The following NCKAP5 variants were observed in gnomAD, a reference collection of about 807,000 sequenced individuals.
NCKAP5 encodes the protein nck-associated protein 5.
Under a neutral mutation model 167.0 loss-of-function variants are expected in NCKAP5, and 92 were observed. That is an observed-to-expected ratio of 0.55 (90% CI 0.47 to 0.66). NCKAP5 has a LOEUF of 0.66. Ranked by LOEUF, NCKAP5 falls within the 30% of genes least tolerant of loss-of-function variation. NCKAP5 has a pLI of 0.00. For synonymous variants in NCKAP5, 891 were observed against 877.4 expected, an observed-to-expected ratio of 1.02 and a Z score of -0.27; for missense variants, 2,378 against 2,315.0, an observed-to-expected ratio of 1.03 and a Z score of -0.56.
At chr2:133,098,234 C>G (rs914393449) in intron 6 of NCKAP5, among the ~76,000 whole-genome samples, 1 of 152,166 alleles carries the variant, frequency 6.6e-6, no homozygotes, top group Non-Finnish European at 1.5e-5. Context: ...AAAGTTTCTG[C>G]AACATCTGCA....
intron 5 of NCKAP5, among the ~76,000 whole-genome samples, chr2:133,149,193 G>A (rs560717138): frequency 4.6e-5 from 7 of 152,262 alleles, no homozygotes; most frequent in African/African-American, 1.7e-4. Context: ...CACATACATA[G>A]AAGCTTCTAA....
chr2:132,731,828 A>AT lies in NCKAP5; in HGVS notation c.5351dup (p.Asp1784GlufsTer2). 1 of 1,613,834 alleles carries AT rather than the reference A, an allele frequency of 6.2e-7. No individual in the cohort carries two copies. The highest frequency in any genetic ancestry group is 8.5e-7 in the Non-Finnish European group (1 of 1,179,850). ...CGGATGTGGAATGAACAATGGCGCT[A>AT]TCTGCAGGGCGCTGGCCGTCTGTGG... On this transcript the variant is annotated frameshift_variant, in exon 17 of 20. Coordinates refer to ENST00000409261, the MANE Select transcript of NCKAP5 (RefSeq NM_207363.3). LOFTEE classifies it high-confidence loss of function.
intron 3 of NCKAP5, among the ~76,000 whole-genome samples, chr2:133,447,752 C>T (rs1036913256): frequency 6.6e-6 from 1 of 152,092 alleles, no homozygotes; most frequent in Admixed American, 6.5e-5. Flanking sequence ...TCCCAAAATG[C>T]TGGGATTACA....
intron 19 of NCKAP5, among the ~76,000 whole-genome samples, chr2:132,715,271 C>T (rs1412822695): frequency 6.6e-6 from 1 of 152,168 alleles, no homozygotes; most frequent in Non-Finnish European, 1.5e-5. Flanking sequence ...CCACCTACCC[C>T]ACTTCTTCAA....
the NCKAP5 span, among the ~76,000 whole-genome samples, chr2:133,647,758 GAAAAGAAAAAAGAAAA>G: frequency 1.4e-4 from 9 of 65,732 alleles, no homozygotes; most frequent in Non-Finnish European, 1.3e-4. Context: ...GGAAAGAAAA[GAAAAGAAAAAAGAAAA>G]GAAAAAAAAG....
chr2:133,482,516 C>A (rs574623610), intron 3 of NCKAP5, among the ~76,000 whole-genome samples: 4 of 152,234 alleles, frequency 2.6e-5, no homozygotes, highest in Non-Finnish European at 5.9e-5. Flanking sequence ...TTCATCTGGC[C>A]CCAAATTTTC....
rs116130197 is a variant in NCKAP5 at position 132,958,257 on chromosome 2, C to T, written c.579+5463G>A. ...GCTTGCCAACATGGTTATTATTATT[C>T]CCATTACATCCCTCTAGTCCAATAA... is the stretch of plus-strand genomic sequence containing the variant. On this transcript the variant is annotated intron_variant, in intron 8 of 19. Transcript: ENST00000409261. 4.9e-3 allele frequency among the ~76,000 whole-genome samples: 753 copies of T among 152,192 alleles called. 6 individuals are homozygous for T. Among genetic ancestry groups the T allele is most frequent in the Non-Finnish European group, 7.6e-3 (520 of 68,014 alleles).
the NCKAP5 span, among the ~76,000 whole-genome samples, chr2:133,671,214 C>CAAAAA: frequency 1.7e-3 from 93 of 53,728 alleles, no homozygotes; most frequent in African/African-American, 2.0e-3. Context: ...GACTCCGTCT[C>CAAAAA]AAAAAAAAAA....
At position 132,781,764 on chromosome 2, in the gene NCKAP5, C is replaced by T. The variant is rs528428319; in HGVS notation, c.4871+176G>A. 2.0e-5 allele frequency among the ~76,000 whole-genome samples: 3 copies of T among 152,292 alleles called. No individual in the cohort carries two copies. In the South Asian group the frequency reaches 6.2e-4, roughly 32 times the overall value. Reference sequence around the variant, plus strand: ...CATGGACTAAATGATCATTTTATTGCTAACTTTTATTTCATTGCTTAAATT... The same window carrying T: ...CATGGACTAAATGATCATTTTATTGTTAACTTTTATTTCATTGCTTAAATT... On this transcript the variant is annotated intron_variant, in intron 14 of 19. Transcript: ENST00000409261.
At chr2:133,595,273 C>A in the NCKAP5 span, among the ~76,000 whole-genome samples, 6 of 151,928 alleles carry the variant, frequency 3.9e-5, no homozygotes, top group Non-Finnish European at 8.8e-5. Context: ...TTAGGTGGGG[C>A]GTATATAACC....
At chr2:132,821,601 G>A (rs115931603) in intron 11 of NCKAP5, among the ~76,000 whole-genome samples, 127 of 152,284 alleles carry the variant, frequency 8.3e-4, no homozygotes, top group African/African-American at 2.9e-3. Context: ...GAGCTACTGC[G>A]GACAGAGTGG....
At chr2:133,129,858 G>T in intron 6 of NCKAP5, 120 bp downstream of exon 6, 1 of 1,188,804 alleles carries the variant, frequency 8.4e-7, no homozygotes, top group Non-Finnish European at 1.1e-6. Flanking sequence ...GGTCTAAATG[G>T]TTGGTAAATT....
intron 3 of NCKAP5, among the ~76,000 whole-genome samples, chr2:133,486,365 TG>T (rs1285653486): frequency 5.3e-5 from 8 of 152,348 alleles, no homozygotes. Flanking sequence ...TCACTGTTGT[TG>T]TTGTTTATCA....
chr2:133,103,336 C>T (rs1224612514), intron 6 of NCKAP5, among the ~76,000 whole-genome samples: 1 of 152,182 alleles, frequency 6.6e-6, no homozygotes, highest in East Asian at 1.9e-4. Context: ...ATTGAAGCCA[C>T]TTGCTCAAGG....
chr2:132,814,536 G>A (rs1174891493), intron 11 of NCKAP5, among the ~76,000 whole-genome samples: 1 of 151,942 alleles, frequency 6.6e-6, no homozygotes, highest in Non-Finnish European at 1.5e-5. Flanking sequence ...CAAGTCAAGT[G>A]GATTTATTTT....
intron 3 of NCKAP5, among the ~76,000 whole-genome samples, chr2:133,309,004 C>T (rs1287938525): frequency 7.9e-5 from 12 of 151,636 alleles, no homozygotes; most frequent in African/African-American, 2.2e-4. Context: ...GCCACCGCGC[C>T]CGGCCGAAGA....
intron 5 of NCKAP5, among the ~76,000 whole-genome samples, chr2:133,173,770 T>G (rs946160509): frequency 1.3e-5 from 2 of 152,210 alleles, no homozygotes; most frequent in Non-Finnish European, 2.9e-5. Context: ...TTTGACAATA[T>G]CCACATATGA....
chr2:132,817,132 T>C (rs1324922470), intron 11 of NCKAP5, among the ~76,000 whole-genome samples: 1 of 152,244 alleles, frequency 6.6e-6, no homozygotes, highest in East Asian at 1.9e-4. Context: ...CAAAGTACCA[T>C]GTAGCCTGCT....
intron 5 of NCKAP5, among the ~76,000 whole-genome samples, chr2:133,178,504 CAAAAAAAAAAAAAAAAAAA>C (rs869253241): frequency 0.021 from 508 of 23,920 alleles, 14 homozygotes; most frequent in African/African-American, 0.13. Context: ...GACCCTGTCT[CAAAAAAAAAAAAAAAAAAA>C]AAAAAAAAAA....
Sources: gnomAD v4.1 joint callset for allele counts (sites outside exome capture counted in the v4.1 genomes callset) on GRCh38, gnomAD v4.1.1 for gene constraint, MANE v1.5 for transcripts, NCBI Gene and HGNC (gene_info 2026-07-23, HGNC 2026-07-21) for gene names.